The following CPNE4 variants were observed in gnomAD, a reference collection of about 807,000 sequenced individuals.
The protein encoded by CPNE4 is copine-4.
A neutral mutation model predicts 67.9 loss-of-function variants in CPNE4; 25 were observed. The observed-to-expected ratio is 0.37, with a 90% CI of 0.27 to 0.51. CPNE4 has a LOEUF of 0.51. CPNE4 is among the 20% of genes least tolerant of loss of function. The pLI is 0.93. For synonymous variants in CPNE4, 242 were observed against 244.9 expected (o/e 0.99, Z 0.11); for missense variants, 464 against 690.8 (o/e 0.67, Z 3.68).
intron 2 of CPNE4, among the ~76,000 whole-genome samples, chr3:131,866,256 C>A (rs1339997025): frequency 2.6e-5 from 4 of 152,126 alleles, no homozygotes; most frequent in African/African-American, 9.7e-5. Context: ...AACAGTGATG[C>A]AAACTCATCA....
intron 10 of CPNE4, among the ~76,000 whole-genome samples, chr3:131,565,599 G>A (rs367688686): frequency 2.4e-4 from 37 of 152,052 alleles, no homozygotes; most frequent in African/African-American, 8.7e-4. Context: ...AAAGTGACTA[G>A]GAAAGAAAAG....
intron 2 of CPNE4, among the ~76,000 whole-genome samples, chr3:131,811,490 G>A (rs1018848524): frequency 6.6e-6 from 1 of 152,038 alleles, no homozygotes; most frequent in African/African-American, 2.4e-5. Context: ...TCAGTGAATG[G>A]CTTTGCATCC....
intron 2 of CPNE4, among the ~76,000 whole-genome samples, chr3:131,819,230 A>G (rs1468556338): frequency 1.3e-5 from 2 of 152,138 alleles, no homozygotes; most frequent in Non-Finnish European, 1.5e-5. Context: ...AGAGAACAAA[A>G]CTGAGGGAAG....
At chr3:132,010,220 C>G (rs929653939) in intron 1 of CPNE4, among the ~76,000 whole-genome samples, 1 of 152,168 alleles carries the variant, frequency 6.6e-6, no homozygotes, top group East Asian at 1.9e-4. Flanking sequence ...CAGACAGAAC[C>G]AGCTACACCT....
At chr3:131,711,740 C>A (rs557171525) in intron 3 of CPNE4, among the ~76,000 whole-genome samples, 1 of 152,310 alleles carries the variant, frequency 6.6e-6, no homozygotes, top group East Asian at 1.9e-4. Flanking sequence ...TCCTCCCCCT[C>A]AACTTTATTA....
At chr3:131,597,056 G>A (rs1459370767) in intron 7 of CPNE4, among the ~76,000 whole-genome samples, 1 of 152,090 alleles carries the variant, frequency 6.6e-6, no homozygotes, top group African/African-American at 2.4e-5. Flanking sequence ...CTTTGTCCCA[G>A]GTGTTGTTGT....
At chr3:131,590,076 A>C (rs1164925383) in intron 7 of CPNE4, among the ~76,000 whole-genome samples, 1 of 152,120 alleles carries the variant, frequency 6.6e-6, no homozygotes, top group Non-Finnish European at 1.5e-5. Flanking sequence ...TTTCAAGGTG[A>C]GATTATTTAT....
At chr3:132,029,485 G>A (rs957404161) in intron 1 of CPNE4, among the ~76,000 whole-genome samples, 1 of 152,156 alleles carries the variant, frequency 6.6e-6, no homozygotes, top group Admixed American at 6.5e-5. Context: ...TCTAGCGATT[G>A]TCCATTCCAA....
intron 2 of CPNE4, among the ~76,000 whole-genome samples, chr3:131,748,211 A>T (rs1425679238): frequency 2.0e-5 from 3 of 152,018 alleles, no homozygotes; most frequent in Non-Finnish European, 4.4e-5. Context: ...GAATTACTAT[A>T]TTATGGCAAT....
intron 11 of CPNE4, among the ~76,000 whole-genome samples, chr3:131,558,237 T>C (rs1936572964): frequency 6.6e-6 from 1 of 151,992 alleles, no homozygotes; most frequent in African/African-American, 2.4e-5. Flanking sequence ...AAGAAAAAGT[T>C]TTAAGCCTAA....
chr3:131,967,838 A>G (rs1048402899), intron 1 of CPNE4, among the ~76,000 whole-genome samples: 2 of 152,202 alleles, frequency 1.3e-5, no homozygotes, highest in African/African-American at 2.4e-5. Flanking sequence ...CTTTCTTCAC[A>G]TAAGTAGAAA....
At chr3:131,978,953 G>A (rs1237622812) in intron 1 of CPNE4, among the ~76,000 whole-genome samples, 1 of 152,020 alleles carries the variant, frequency 6.6e-6, no homozygotes, top group African/African-American at 2.4e-5. Context: ...TTGATCCAAT[G>A]CTCATTCAGG....
chr3:131,943,111 C>T (rs2071448157), intron 1 of CPNE4, among the ~76,000 whole-genome samples: 1 of 152,124 alleles, frequency 6.6e-6, no homozygotes, highest in Non-Finnish European at 1.5e-5. Context: ...TAATTTGTAA[C>T]ACCCACGGAG....
chr3:131,654,579 G>A lies in CPNE4; in HGVS notation c.681+15096C>T, dbSNP rs117954694. Among the ~76,000 whole-genome samples the A allele has an allele frequency of 1.3e-4, 20 of 152,262 alleles. No individual in the cohort carries two copies. The East Asian group carries it at 3.9e-3, about 29-fold the overall frequency. On this transcript the variant is annotated intron_variant, in intron 7 of 15. Transcript: ENST00000429747. ...ATCACAACCCAAACATCTCCCAGGA[G>A]AAGCATTCCTACTTGTGCACTGGGG...
chr3:131,960,118 A>AGAGG (rs1166182199), intron 1 of CPNE4, among the ~76,000 whole-genome samples: 2 of 81,102 alleles, frequency 2.5e-5, no homozygotes, highest in African/African-American at 1.1e-4. Flanking sequence ...GCAGAGAAAG[A>AGAGG]GTGGAGAGGG....
chr3:131,736,723 G>C (rs1368749313), intron 2 of CPNE4, among the ~76,000 whole-genome samples: 1 of 151,952 alleles, frequency 6.6e-6, no homozygotes, highest in South Asian at 2.1e-4. Flanking sequence ...TTGAACCATG[G>C]CTGTCTGGGC....
At chr3:131,835,837 A>C (rs1375052730) in intron 2 of CPNE4, among the ~76,000 whole-genome samples, 1 of 152,154 alleles carries the variant, frequency 6.6e-6, no homozygotes, top group Admixed American at 6.6e-5. Context: ...GCTGCTGCAG[A>C]TAGAGTAGAG....
At chr3:131,614,252 C>T (rs1249826422) in intron 7 of CPNE4, among the ~76,000 whole-genome samples, 1 of 152,178 alleles carries the variant, frequency 6.6e-6, no homozygotes, top group African/African-American at 2.4e-5. Context: ...GCTCAGTAGG[C>T]TGTTAGGAAA....
intron 2 of CPNE4, among the ~76,000 whole-genome samples, chr3:131,818,261 C>T (rs2084825285): frequency 6.6e-6 from 1 of 152,156 alleles, no homozygotes; most frequent in Non-Finnish European, 1.5e-5. Flanking sequence ...TTAGGAGCAG[C>T]AGGAGTTGCA....
Sources: gnomAD v4.1 joint callset for allele counts (sites outside exome capture counted in the v4.1 genomes callset) on GRCh38, gnomAD v4.1.1 for gene constraint, MANE v1.5 for transcripts, NCBI Gene and HGNC (gene_info 2026-07-23, HGNC 2026-07-21) for gene names.